PDE6A: variants seen among roughly 807,000 people sequenced by gnomAD.
PDE6A encodes rod cGMP-specific 3',5'-cyclic phosphodiesterase subunit alpha.
In PDE6A, 84 loss-of-function variants were observed where a neutral mutation model predicts 106.3. The ratio of observed to expected loss-of-function variants is 0.79; its 90% confidence interval spans 0.66 to 0.95. PDE6A has a LOEUF of 0.95. Among genes scored for constraint, PDE6A ranks in the 40% least tolerant of loss-of-function variants. The pLI, the probability that PDE6A is intolerant of heterozygous loss-of-function variation, is 0.00. For synonymous variants in PDE6A, 394 were observed against 386.6 expected, an observed-to-expected ratio of 1.02 and a Z score of -0.23; for missense variants, 1,052 against 1,084.9, an observed-to-expected ratio of 0.97 and a Z score of 0.43.
intron 1 of PDE6A, among the ~76,000 whole-genome samples, chr5:149,935,522 G>C (rs1754156261): frequency 6.6e-6 from 1 of 152,160 alleles, no homozygotes; most frequent in African/African-American, 2.4e-5. Flanking sequence ...CCAAGGTTCA[G>C]GCCAGCTCAA....
intron 13 of PDE6A, among the ~76,000 whole-genome samples, chr5:149,892,834 G>A (rs569486443): frequency 3.2e-4 from 49 of 152,276 alleles, no homozygotes; most frequent in African/African-American, 1.1e-3. Flanking sequence ...TAGACACATC[G>A]TAAAACCATT....
intron 17 of PDE6A, among the ~76,000 whole-genome samples, chr5:149,868,601 A>G (rs920580256): frequency 6.6e-6 from 1 of 152,206 alleles, no homozygotes; most frequent in Non-Finnish European, 1.5e-5. Flanking sequence ...ACATCTTCAG[A>G]GTCCCTTTGC....
chr5:149,863,309 C>T lies in PDE6A; in HGVS notation c.2359-43G>A. 1.9e-6 allele frequency: 3 copies of T among 1,607,056 alleles called. No individual in the cohort carries two copies. The highest frequency in any genetic ancestry group is 2.6e-6 in the Non-Finnish European group (3 of 1,173,858). ...TGCCTCTGGTGCAAGGGCCAGGCCACAGGGTCTGGGCTCAAGCGGGTGGCA... is the reference window on the plus strand; with the variant it reads ...TGCCTCTGGTGCAAGGGCCAGGCCATAGGGTCTGGGCTCAAGCGGGTGGCA... On this transcript the variant is annotated intron_variant, in intron 20 of 21. Coordinates refer to ENST00000255266, the MANE Select transcript of PDE6A (RefSeq NM_000440.3). The surrounding 1 kb of genome is among the most constrained non-coding windows in gnomAD (Gnocchi z 4.7).
intron 8 of PDE6A, among the ~76,000 whole-genome samples, chr5:149,901,884 A>G (rs1040525040): frequency 5.9e-5 from 9 of 152,212 alleles, no homozygotes; most frequent in African/African-American, 2.2e-4. Flanking sequence ...TTTCCTTCTG[A>G]ATTATTTCCT....
chr5:149,919,009 C>T (rs1306284193), intron 5 of PDE6A, among the ~76,000 whole-genome samples: 1 of 152,080 alleles, frequency 6.6e-6, no homozygotes, highest in African/African-American at 2.4e-5. Flanking sequence ...CTTTCTAGAA[C>T]ACTTATTTCC....
rs771965437 is a variant in PDE6A at position 149,944,423 on chromosome 5, T to C, written c.251A>G (p.Lys84Arg). Residue 84 changes from lysine to arginine, a missense_variant, in exon 1 of 22, where the codon AAG becomes AGG. Around this residue, in one of 3 missense-constraint regions of PDE6A, gnomAD observed 913 missense variants for 915.2 expected, o/e 1.00. Coordinates refer to ENST00000255266, the MANE Select transcript of PDE6A (RefSeq NM_000440.3). ...GTCTGCCTGCAGGAGGAAGCACAGC[T>C]TCTTCATGACATTGAAGATGCATTT... ...TEKCIFNVMK[K>R]LCFLLQADRM... The C allele has an allele frequency of 6.2e-7, 1 of 1,614,106 alleles. No individual in the cohort carries two copies. Among genetic ancestry groups the C allele is most frequent in the Non-Finnish European group, 8.5e-7 (1 of 1,180,000 alleles).
intron 6 of PDE6A, among the ~76,000 whole-genome samples, chr5:149,912,976 A>T (rs937582407): frequency 6.6e-6 from 1 of 152,174 alleles, no homozygotes; most frequent in Non-Finnish European, 1.5e-5. Flanking sequence ...ACAGATAATG[A>T]GTTAATAAGA....
rs1243932148 is a variant in PDE6A at position 149,944,298 on chromosome 5, C to T, written c.376G>A (p.Val126Met). 1.9e-6 allele frequency: 3 copies of T among 1,613,842 alleles called. No homozygotes were observed. ...HKDAVLEDCL[V>M]MPDQEIVFPL... ...AAGACGATCTCTTGGTCGGGCATCA[C>T]CAGGCAGTCCTCGAGGACAGCATCC... The change falls in exon 1 of 22, where the codon GTG (valine) becomes ATG (methionine). Residue 126 changes from valine (V) to methionine (M), a missense_variant. Coordinates refer to ENST00000255266, the MANE Select transcript of PDE6A (RefSeq NM_000440.3).
chr5:149,944,125 C>T, intron 1 of PDE6A, 75 bp downstream of exon 1: 3 of 1,140,216 alleles, frequency 2.6e-6, no homozygotes, highest in East Asian at 2.4e-5. Flanking sequence ...GTGGCCAATG[C>T]CCCTCACCCC....
At position 149,884,029 on chromosome 5, in the gene PDE6A, C is replaced by T. The variant is rs143590600; in HGVS notation, c.2027+450G>A. On this transcript the variant is annotated intron_variant, in intron 16 of 21. Coordinates refer to ENST00000255266, the MANE Select transcript of PDE6A (RefSeq NM_000440.3). ...GTAACATAGTGAGAACCCATCTTTA[C>T]AGCAAATTAAAAAATTATCCAGGAG... 3.0e-3 allele frequency among the ~76,000 whole-genome samples: 451 copies of T among 151,794 alleles called. 3 individuals carry two copies. Among genetic ancestry groups the T allele is most frequent in the Non-Finnish European group, 5.0e-3 (340 of 67,960 alleles).
intron 4 of PDE6A, among the ~76,000 whole-genome samples, chr5:149,930,770 T>G (rs1399269372): frequency 6.6e-6 from 1 of 152,214 alleles, no homozygotes; most frequent in Non-Finnish European, 1.5e-5. Flanking sequence ...ACCTCATCAG[T>G]TTCTTTTCAT....
intron 5 of PDE6A, among the ~76,000 whole-genome samples, chr5:149,917,049 C>CTT (rs575173849): frequency 4.1e-4 from 58 of 142,158 alleles, no homozygotes; most frequent in African/African-American, 1.3e-3. Context: ...AAGGGGATAT[C>CTT]TTTTTTTTTT....
At chr5:149,878,336 T>C (rs1760814381) in intron 17 of PDE6A, among the ~76,000 whole-genome samples, 1 of 152,196 alleles carries the variant, frequency 6.6e-6, no homozygotes, top group Non-Finnish European at 1.5e-5. Context: ...ACATAATTCC[T>C]TTCATTTGAT....
In PDE6A at chr5:149,934,607, T is replaced by C. The variant is rs75606297; in HGVS notation, c.586A>G (p.Asn196Asp). ...KDVVAIIMAV[N>D]KVDGSHFTKR... Reference sequence around the variant, plus strand: ...GTGAAGTGGGATCCATCCACTTTATTCACAGCCATGATTATGGCCACCACA... The same window carrying C: ...GTGAAGTGGGATCCATCCACTTTATCCACAGCCATGATTATGGCCACCACA... Residue 196 changes from asparagine (N) to aspartate (D), a missense_variant, in exon 2 of 22, where the codon AAT becomes GAT. By Grantham distance (23) the Asn-to-Asp change is conservative (BLOSUM62 1). This residue lies in a region of PDE6A where 913 missense variants were observed against 915.2 expected (regional missense o/e 1.00). Coordinates refer to ENST00000255266, the MANE Select transcript of PDE6A (RefSeq NM_000440.3). 2 of 1,614,200 alleles carry C rather than the reference T, an allele frequency of 1.2e-6. No individual in the cohort carries two copies. The highest frequency in any genetic ancestry group is 3.3e-5 in the Admixed American group (2 of 60,032).
intron 18 of PDE6A, 141 bp from the exon 19 acceptor site, chr5:149,867,940 C>T: frequency 9.1e-7 from 1 of 1,103,640 alleles, no homozygotes; most frequent in Non-Finnish European, 1.4e-6. Flanking sequence ...TTGCTGTCAT[C>T]ACTGGAGAGA....
chr5:149,886,226 A>T, intron 14 of PDE6A, 39 bp downstream of exon 14: 1 of 1,423,826 alleles, frequency 7.0e-7, no homozygotes, highest in Non-Finnish European at 9.9e-7. Flanking sequence ...CTGGATAATG[A>T]ATCCGGAGGG....
At chr5:149,896,254 A>G in intron 12 of PDE6A, 102 bp downstream of exon 12, 1 of 942,994 alleles carries the variant, frequency 1.1e-6, no homozygotes, top group South Asian at 1.4e-5. Context: ...AAATACTGAG[A>G]GTAAACTCTT....
At chr5:149,929,380 G>T (rs1157512891) in intron 4 of PDE6A, among the ~76,000 whole-genome samples, 3 of 152,116 alleles carry the variant, frequency 2.0e-5, no homozygotes, top group Non-Finnish European at 2.9e-5. Context: ...GCCGAGGCAG[G>T]CGGATCACGA....
intron 8 of PDE6A, among the ~76,000 whole-genome samples, chr5:149,902,642 G>A (rs1198542206): frequency 1.3e-5 from 2 of 151,960 alleles, no homozygotes; most frequent in South Asian, 4.2e-4. Context: ...TCAACATGGC[G>A]AGATCCCACC....
Sources: gnomAD v4.1 joint callset for allele counts (sites outside exome capture counted in the v4.1 genomes callset) on GRCh38, gnomAD v4.1.1 for gene constraint, gnomAD v4.1.1 regional missense constraint, Gnocchi (gnomAD v3.1) non-coding constraint, MANE v1.5 for transcripts, NCBI Gene and HGNC (gene_info 2026-07-23, HGNC 2026-07-21) for gene names.